The following NUP153 variants were observed in gnomAD, a reference collection of about 807,000 sequenced individuals.
NUP153 encodes nucleoporin 153.
Under a neutral mutation model 134.6 loss-of-function variants are expected in NUP153, and 27 were observed. The ratio of observed to expected loss-of-function variants is 0.20; its 90% CI spans 0.15 to 0.28. The LOEUF is 0.28. Ranked by LOEUF, NUP153 falls within the 10% of genes least tolerant of loss-of-function variation. The pLI, the probability that NUP153 is intolerant of heterozygous loss-of-function variation, is 1.00. For missense variants in NUP153, 1,821 were observed against 1,731.3 expected, an observed-to-expected ratio of 1.05 and a Z score of -0.92; for synonymous variants, 640 against 623.5, an observed-to-expected ratio of 1.03 and a Z score of -0.40.
intron 14 of NUP153, among the ~76,000 whole-genome samples, chr6:17,643,361 A>G (rs1389875238): frequency 6.6e-6 from 1 of 152,078 alleles, no homozygotes; most frequent in Non-Finnish European, 1.5e-5. Context: ...AATCACAGCT[A>G]CTCGGGAGGC....
chr6:17,625,771 A>G lies in NUP153; in HGVS notation c.3901+37T>C. The G allele has an allele frequency of 1.4e-6, 2 of 1,464,136 alleles. No homozygotes were observed. Among genetic ancestry groups the G allele is most frequent in the Non-Finnish European group, 1.9e-6 (2 of 1,048,396 alleles). The allele number at this position is 1,464,136 out of a possible 1,614,324, so 90.7% of individuals were successfully genotyped here. ...ACTGACACACTAATAAGTAAAGTCC[A>G]TCCAATTACAATGCATTTTTTCTTT... On this transcript the variant is annotated intron_variant, in intron 19 of 21. Transcript: ENST00000262077. The surrounding 1 kb of genome is among the most constrained non-coding windows in gnomAD (Gnocchi z 4.7).
Position 17,688,528 on chromosome 6 carries a change from A to C in NUP153, c.202T>G (p.Cys68Gly), listed in dbSNP as rs1180790242. The change falls in exon 2 of 22, where the codon TGT (cysteine) becomes GGT (glycine). Residue 68 changes from cysteine to glycine, a missense_variant. Transcript: ENST00000262077. ...YFNKNEDVCS[C>G]STDTSEVPRW... ...GGAACCTCGCTTGTGTCTGTTGAAC[A>C]GCTGCATACATCTTCATTCTTGTTG... 1.2e-6 allele frequency: 2 copies of C among 1,614,148 alleles called. No homozygotes were observed. The highest frequency in any genetic ancestry group is 4.5e-5 in the East Asian group (2 of 44,882).
Position 17,649,190 on chromosome 6 carries a change from G to A in NUP153, c.1506C>T (p.Ile502=). Residue 502 remains isoleucine, a synonymous_variant, in exon 12 of 22, where the codon ATC becomes ATT. Coordinates refer to ENST00000262077, the MANE Select transcript of NUP153 (RefSeq NM_005124.4). ...TGTTTGTTAATGCTTGAGACGAATT[G>A]ATGGGTGATGGAGAGGAAGTTGTGA... ...PEITTSSPSP[I]NSSQALTNKV... The A allele has an allele frequency of 6.2e-7, 1 of 1,613,632 alleles. No individual in the cohort carries two copies. Among genetic ancestry groups the A allele is most frequent in the Non-Finnish European group, 8.5e-7 (1 of 1,179,794 alleles).
rs147340353 is a variant in NUP153 at position 17,625,935 on chromosome 6, G to C, written c.3774C>G (p.Ser1258Arg). The change falls in exon 19 of 22, where the codon AGC becomes AGG. Residue 1258 changes from serine (S) to arginine (R), a missense_variant. Physicochemically the swap from Ser to Arg is moderately radical, Grantham distance 110. Coordinates refer to ENST00000262077, the MANE Select transcript of NUP153 (RefSeq NM_005124.4). This position sits in a 1 kb window ranked among gnomAD's most constrained non-coding sequence, Gnocchi z 4.7. Reference sequence around the variant, plus strand: ...CTGTGCTGGATGTGGTTGCTAGTTTGCTATCTTGAGAAAATAGCAAAGACT... The same window carrying C: ...CTGTGCTGGATGTGGTTGCTAGTTTCCTATCTTGAGAAAATAGCAAAGACT... ...TSQSLLFSQD[S>R]KLATTSSTGT... is the part of the protein sequence containing the mutation. The C allele has an allele frequency of 2.5e-6, 4 of 1,614,042 alleles. No individual in the cohort carries two copies. Among genetic ancestry groups the C allele is most frequent in the Non-Finnish European group, 3.4e-6 (4 of 1,180,018 alleles).
Position 17,665,337 on chromosome 6 carries a change from C to A in NUP153, c.1117G>T (p.Val373Phe). The A allele has an allele frequency of 6.2e-7, 1 of 1,613,662 alleles. No homozygotes were observed. Among genetic ancestry groups the A allele is most frequent in the Non-Finnish European group, 8.5e-7 (1 of 1,179,726 alleles). ...ACACTTCGATTTGTTGCTATGGAAA[C>A]TGGCTTTGGGGTCATAAGTCTCTGA... ...PVQRLMTPKP[V>F]SIATNRSVYF... Residue 373 changes from valine to phenylalanine, a missense_variant, in exon 9 of 22, where the codon GTT (valine) becomes TTT (phenylalanine). By Grantham distance (50) the Val-to-Phe change is conservative. Transcript: ENST00000262077.
intron 11 of NUP153, among the ~76,000 whole-genome samples, chr6:17,658,393 C>T (rs1057395479): frequency 2.0e-5 from 3 of 152,154 alleles, no homozygotes; most frequent in African/African-American, 7.2e-5. Flanking sequence ...AAGACTGTCT[C>T]AAAACAGAAA....
intron 11 of NUP153, among the ~76,000 whole-genome samples, chr6:17,652,903 C>T (rs1342289591): frequency 6.6e-6 from 1 of 151,962 alleles, no homozygotes; most frequent in Non-Finnish European, 1.5e-5. Context: ...GTGGCGCACA[C>T]CTGTAATCCC....
intron 20 of NUP153, among the ~76,000 whole-genome samples, chr6:17,617,792 C>T (rs1764415451): frequency 6.6e-6 from 1 of 152,004 alleles, no homozygotes; most frequent in Non-Finnish European, 1.5e-5. Context: ...ACGCAGTGTG[C>T]CCTGACTCTG....
intron 17 of NUP153, 95 bp from the exon 18 acceptor site, chr6:17,629,634 AACTTTGAAAGGGCCT>A (rs1765129704): frequency 8.6e-7 from 1 of 1,158,666 alleles, no homozygotes; most frequent in African/African-American, 1.6e-5. Flanking sequence ...ACATAGGAGT[AACTTTGAAAGGGCCT>A]ACTTTGAAGA....
At chr6:17,685,863 T>A (rs552818884) in intron 2 of NUP153, among the ~76,000 whole-genome samples, 1 of 151,634 alleles carries the variant, frequency 6.6e-6, no homozygotes, top group South Asian at 2.1e-4. Flanking sequence ...AAAAAAAAAA[T>A]TGACTCACAG....
At chr6:17,669,806 A>G (rs977504567) in intron 5 of NUP153, among the ~76,000 whole-genome samples, 6 of 152,096 alleles carry the variant, frequency 3.9e-5, no homozygotes, top group African/African-American at 1.4e-4. Context: ...TTTTAAAGAA[A>G]GTATGGGCCG....
intron 9 of NUP153, among the ~76,000 whole-genome samples, chr6:17,662,463 T>G (rs191064539): frequency 3.3e-5 from 5 of 152,236 alleles, no homozygotes; most frequent in Admixed American, 6.5e-5. Flanking sequence ...AATCAAGACT[T>G]CTTGGAAAAA....
chr6:17,669,159 A>C, intron 7 of NUP153, 131 bp from the exon 8 acceptor site: 1 of 1,015,952 alleles, frequency 9.8e-7, no homozygotes, highest in East Asian at 2.4e-5. Flanking sequence ...ACTCACTGCA[A>C]CCTCTGCCTC....
In NUP153 at chr6:17,620,095, C is replaced by CAAAAA. The variant is rs58013807; in HGVS notation, c.4175-3405_4175-3401dup. Among the ~76,000 whole-genome samples the CAAAAA allele has an allele frequency of 1.9e-4, 12 of 62,996 alleles. 1 individual carries two copies. The highest frequency in any genetic ancestry group is 6.2e-4 in the African/African-American group (8 of 12,908). 41.3% of individuals were successfully genotyped at this position (62,996 alleles called of 152,430 possible). A position where few individuals can be genotyped will look rare whatever the true frequency, so the allele number is the denominator to read the frequency against. On this transcript the variant is annotated intron_variant, in intron 20 of 21. Transcript: ENST00000262077. ...CCTGGGCAACAGAGCAAGACACCAT[C>CAAAAA]AAAAAAAAAAAAAAAAAAAAAAAAA...
intron 2 of NUP153, among the ~76,000 whole-genome samples, chr6:17,679,884 G>C (rs1006066): frequency 0.11 from 16,168 of 152,130 alleles, 909 homozygotes; most frequent in Admixed American, 0.13. Flanking sequence ...AGGTTGCAGA[G>C]AGTCCACCTC....
At chr6:17,630,639 G>C (rs1053469973) in intron 17 of NUP153, among the ~76,000 whole-genome samples, 3 of 150,980 alleles carry the variant, frequency 2.0e-5, no homozygotes, top group Admixed American at 2.0e-4. Context: ...CTCCAGCCCG[G>C]TCAACAGTGA....
intron 20 of NUP153, among the ~76,000 whole-genome samples, chr6:17,618,782 G>A (rs182327895): frequency 6.6e-6 from 1 of 152,096 alleles, no homozygotes; most frequent in Non-Finnish European, 1.5e-5. Context: ...TAGCCAGGAT[G>A]GTCTCGATAT....
intron 2 of NUP153, among the ~76,000 whole-genome samples, chr6:17,679,619 T>C (rs192138068): frequency 1.9e-4 from 29 of 152,308 alleles, no homozygotes; most frequent in Non-Finnish European, 3.2e-4. Context: ...TAAAACTTAA[T>C]ACAGAAGTAC....
chr6:17,633,636 G>T (rs1368897542), intron 16 of NUP153, among the ~76,000 whole-genome samples: 1 of 152,182 alleles, frequency 6.6e-6, no homozygotes, highest in Non-Finnish European at 1.5e-5. Context: ...AGGATACACA[G>T]AGGTGACAAA....
Sources: gnomAD v4.1 joint callset for allele counts (sites outside exome capture counted in the v4.1 genomes callset) on GRCh38, gnomAD v4.1.1 for gene constraint, Gnocchi (gnomAD v3.1) non-coding constraint, MANE v1.5 for transcripts, NCBI Gene and HGNC (gene_info 2026-07-23, HGNC 2026-07-21) for gene names.